CELF2: variants seen among roughly 807,000 people sequenced by gnomAD.
CELF2 encodes the protein CUGBP Elav-like family member 2.
In CELF2, 8 loss-of-function variants were observed where a neutral mutation model predicts 62.6. The ratio of observed to expected loss-of-function variants is 0.13; its 90% CI spans 0.07 to 0.23. The LOEUF is 0.23. Among genes scored for constraint, CELF2 ranks in the 10% least tolerant of loss-of-function variants. The pLI is 1.00. For synonymous variants in CELF2, 258 were observed against 250.0 expected (o/e 1.03, Z -0.30); for missense variants, 333 against 671.0 (o/e 0.50, Z 5.56).
intron 3 of CELF2, among the ~76,000 whole-genome samples, chr10:11,225,741 A>G (rs1006011179): frequency 1.3e-5 from 2 of 152,190 alleles, no homozygotes; most frequent in Non-Finnish European, 2.9e-5. Context: ...ATTTAACCTA[A>G]TGAGGTTTCA....
At chr10:11,090,238 G>T (rs887293939) in intron 1 of CELF2, among the ~76,000 whole-genome samples, 1 of 152,004 alleles carries the variant, frequency 6.6e-6, no homozygotes, top group African/African-American at 2.4e-5. Context: ...GCTATGAAGG[G>T]AAACAAGGCG....
chr10:10,544,287 C>A, the CELF2 span, among the ~76,000 whole-genome samples: 1 of 152,256 alleles, frequency 6.6e-6, no homozygotes, highest in South Asian at 2.1e-4. Flanking sequence ...CTCCTCCTGG[C>A]AGGGAGCAAT....
At chr10:11,310,157 C>T (rs2094484740) in intron 9 of CELF2, among the ~76,000 whole-genome samples, 1 of 152,166 alleles carries the variant, frequency 6.6e-6, no homozygotes, top group South Asian at 2.1e-4. Flanking sequence ...AGGTAGGGAC[C>T]CCTCTGCTTC....
the CELF2 span, among the ~76,000 whole-genome samples, chr10:10,524,505 T>C: frequency 2.0e-5 from 3 of 151,688 alleles, no homozygotes; most frequent in East Asian, 3.9e-4. Context: ...TGTATGCTAT[T>C]GCCACATGAA....
At chr10:10,726,940 C>T in the CELF2 span, among the ~76,000 whole-genome samples, 4 of 152,040 alleles carry the variant, frequency 2.6e-5, no homozygotes, top group South Asian at 2.1e-4. Flanking sequence ...TGACTCATGG[C>T]GGAAGGCAAA....
chr10:11,164,541 G>A (rs1027443291), intron 1 of CELF2, among the ~76,000 whole-genome samples: 1 of 152,134 alleles, frequency 6.6e-6, no homozygotes, highest in Non-Finnish European at 1.5e-5. Flanking sequence ...TCTCCCAAAC[G>A]TGTGATTGTT....
rs1171621946 is a variant in CELF2, at chr10:11,290,885, ATTTTTC to A, written c.976+2336_976+2341del. ...AATGATTGAAATCTACATTTCAATTATTTTTCTTAAGTGTAACTAAAAAATCTGATG... is the reference window on the plus strand; with the variant it reads ...AATGATTGAAATCTACATTTCAATTATTAAGTGTAACTAAAAAATCTGATG... On this transcript the variant is annotated intron_variant, in intron 9 of 12. Coordinates refer to ENST00000633077, the MANE Select transcript of CELF2 (RefSeq NM_001326342.2). The surrounding 1 kb of genome is among the most constrained non-coding windows in gnomAD (Gnocchi z 4.3). Among the ~76,000 whole-genome samples, 2 of 152,228 alleles carry A rather than the reference ATTTTTC, an allele frequency of 1.3e-5. No individual in the cohort carries two copies. Among genetic ancestry groups the A allele is most frequent in the African/African-American group, 4.8e-5 (2 of 41,458 alleles).
the CELF2 span, among the ~76,000 whole-genome samples, chr10:10,481,428 T>C: frequency 6.6e-6 from 1 of 152,226 alleles, no homozygotes; most frequent in Non-Finnish European, 1.5e-5. Context: ...GCCCTCACTT[T>C]TATCCTCCAT....
chr10:10,853,115 A>G (rs953123972), intron 1 of CELF2, among the ~76,000 whole-genome samples: 9 of 152,136 alleles, frequency 5.9e-5, no homozygotes, highest in African/African-American at 1.9e-4. Flanking sequence ...AGTAAGTGGA[A>G]CTACAGGTGC....
intron 1 of CELF2, among the ~76,000 whole-genome samples, chr10:10,868,366 A>T (rs980462766): frequency 6.6e-6 from 1 of 152,214 alleles, no homozygotes; most frequent in Non-Finnish European, 1.5e-5. Context: ...TACCTACATA[A>T]GGCCCCTCCA....
chr10:10,772,062 C>T, the CELF2 span, among the ~76,000 whole-genome samples: 1 of 151,866 alleles, frequency 6.6e-6, no homozygotes. Context: ...TGGAGTAGAA[C>T]TTCATTACTG....
the CELF2 span, among the ~76,000 whole-genome samples, chr10:10,619,924 G>C: frequency 5.3e-5 from 8 of 152,122 alleles, no homozygotes; most frequent in African/African-American, 1.9e-4. Flanking sequence ...AACGGAAGGA[G>C]AGAGAAAGAA....
At chr10:11,034,813 G>T (rs375277785) in intron 1 of CELF2, among the ~76,000 whole-genome samples, 1 of 152,130 alleles carries the variant, frequency 6.6e-6, no homozygotes, top group Non-Finnish European at 1.5e-5. Flanking sequence ...TTCTGTAGCA[G>T]AGCTCTGTAA....
chr10:11,273,796 A>C (rs73581220), intron 7 of CELF2, among the ~76,000 whole-genome samples: 26,852 of 151,142 alleles, frequency 0.18, 2,713 homozygotes, highest in African/African-American at 0.25. Flanking sequence ...ATCTCTGCTC[A>C]CTGCAGCCTC....
At chr10:10,638,225 A>C in the CELF2 span, among the ~76,000 whole-genome samples, 3 of 152,220 alleles carry the variant, frequency 2.0e-5, no homozygotes, top group African/African-American at 7.2e-5. Flanking sequence ...TGTTTAAAAA[A>C]ATTCATGGGT....
At chr10:10,973,257 G>A (rs2050953674) in intron 2 of CELF2, among the ~76,000 whole-genome samples, 2 of 151,330 alleles carry the variant, frequency 1.3e-5, no homozygotes, top group South Asian at 4.2e-4. Flanking sequence ...CTCCAGCCTG[G>A]GGGACAGAGG....
chr10:10,917,651 G>A (rs563736802), intron 1 of CELF2, among the ~76,000 whole-genome samples: 2 of 152,222 alleles, frequency 1.3e-5, no homozygotes, highest in South Asian at 2.1e-4. Context: ...TTACTGCAGC[G>A]GTCTCAGTTG....
intron 1 of CELF2, among the ~76,000 whole-genome samples, chr10:11,023,336 AT>A (rs1349243200): frequency 6.6e-6 from 1 of 152,236 alleles, no homozygotes; most frequent in African/African-American, 2.4e-5. Flanking sequence ...CAGAAAATGT[AT>A]TTTTATTTTT....
intron 1 of CELF2, among the ~76,000 whole-genome samples, chr10:10,805,479 C>A (rs1353953205): frequency 6.6e-6 from 1 of 152,174 alleles, no homozygotes; most frequent in East Asian, 1.9e-4. Flanking sequence ...TGCAGAGCTG[C>A]AGGAAGAGGT....
Sources: gnomAD v4.1 joint callset for allele counts (sites outside exome capture counted in the v4.1 genomes callset) on GRCh38, gnomAD v4.1.1 for gene constraint, Gnocchi (gnomAD v3.1) non-coding constraint, MANE v1.5 for transcripts, NCBI Gene and HGNC (gene_info 2026-07-23, HGNC 2026-07-21) for gene names.